IL23R: variants seen among roughly 807,000 people sequenced by gnomAD.
IL23R encodes the protein interleukin-23 receptor.
Under a neutral mutation model 56.9 loss-of-function variants are expected in IL23R, and 34 were observed. The observed-to-expected ratio is 0.60, with a 90% CI of 0.45 to 0.80. The LOEUF is 0.80. Ranked by LOEUF, IL23R falls within the 30% of genes least tolerant of loss-of-function variation. The pLI, the probability that IL23R is intolerant of heterozygous loss-of-function variation, is 0.00. For synonymous variants in IL23R, 230 were observed against 249.2 expected, an observed-to-expected ratio of 0.92 and a Z score of 0.73; for missense variants, 635 against 730.0, an observed-to-expected ratio of 0.87 and a Z score of 1.50.
At chr1:67,182,255 A>G (rs1647157043) in intron 3 of IL23R, among the ~76,000 whole-genome samples, 1 of 152,204 alleles carries the variant, frequency 6.6e-6, no homozygotes, top group Non-Finnish European at 1.5e-5. Context: ...GCAGGCAGTC[A>G]GGCCTCCTTG....
At chr1:67,143,353 G>A (rs182747830) in intron 1 of IL23R, among the ~76,000 whole-genome samples, 1 of 152,252 alleles carries the variant, frequency 6.6e-6, no homozygotes, top group Non-Finnish European at 1.5e-5. Flanking sequence ...TCTCTCAAAA[G>A]CAGACCAAGC....
At chr1:67,252,591 C>A (rs1201699592) in intron 9 of IL23R, among the ~76,000 whole-genome samples, 1 of 152,098 alleles carries the variant, frequency 6.6e-6, no homozygotes, top group African/African-American at 2.4e-5. Context: ...ACAAGTAGGT[C>A]CAACAGGTTC....
Position 67,259,312 on chromosome 1 carries a change from A to G in IL23R, c.*184A>G. 1.6e-6 allele frequency: 1 copy of G among 628,086 alleles called. No homozygotes were observed. Among genetic ancestry groups the G allele is most frequent in the South Asian group, 1.9e-5 (1 of 53,094 alleles). 38.9% of individuals were successfully genotyped at this position (628,086 alleles called of 1,614,324 possible). A position where few individuals can be genotyped will look rare whatever the true frequency, so the allele number is the denominator to read the frequency against. ...AGGTAGGGGATTGCTGGGCCATATGATAAGCATATGTTTCAGTTCTACCAA... is the reference window on the plus strand; with the variant it reads ...AGGTAGGGGATTGCTGGGCCATATGGTAAGCATATGTTTCAGTTCTACCAA... On this transcript the variant is annotated 3_prime_UTR_variant, in exon 11 of 11. Coordinates refer to ENST00000347310, the MANE Select transcript of IL23R (RefSeq NM_144701.3).
At chr1:67,228,135 T>TTTC (rs1650841727) in intron 7 of IL23R, among the ~76,000 whole-genome samples, 6 of 139,252 alleles carry the variant, frequency 4.3e-5, no homozygotes, top group Non-Finnish European at 6.2e-5. Context: ...TTTCCTTCTT[T>TTTC]CTTTCTGTCT....
chr1:67,227,969 T>C (rs865943185), intron 7 of IL23R, among the ~76,000 whole-genome samples: 8 of 71,864 alleles, frequency 1.1e-4, no homozygotes, highest in East Asian at 8.2e-4. Context: ...TTTCTTTCTT[T>C]CTTTCTTTCT....
At chr1:67,185,332 G>C (rs1047006768) in intron 4 of IL23R, among the ~76,000 whole-genome samples, 1 of 152,154 alleles carries the variant, frequency 6.6e-6, no homozygotes. Flanking sequence ...GGACCAGATC[G>C]CAGGGCATAT....
At chr1:67,212,543 C>CTTTTT (rs71663275) in intron 6 of IL23R, among the ~76,000 whole-genome samples, 2 of 145,058 alleles carry the variant, frequency 1.4e-5, no homozygotes, top group African/African-American at 5.1e-5. Context: ...GTCATGCAAT[C>CTTTTT]TTTTTTTTTT....
chr1:67,178,571 C>A (rs1475772143), intron 3 of IL23R, among the ~76,000 whole-genome samples: 1 of 152,164 alleles, frequency 6.6e-6, no homozygotes, highest in Non-Finnish European at 1.5e-5. Flanking sequence ...CAAACAGGGA[C>A]AATTTGACTT....
intron 7 of IL23R, among the ~76,000 whole-genome samples, chr1:67,233,794 G>A (rs1651269129): frequency 6.6e-6 from 1 of 151,338 alleles, no homozygotes; most frequent in African/African-American, 2.4e-5. Context: ...TGCAAGGATG[G>A]AACTGTCTCA....
rs114315517 is a variant in IL23R at position 67,216,874 on chromosome 1, T to G, written c.799-2700T>G. 4.7e-3 allele frequency among the ~76,000 whole-genome samples: 715 copies of G among 152,260 alleles called. 6 individuals carry two copies. The highest frequency in any genetic ancestry group is 0.016 in the African/African-American group (681 of 41,546). ...CAGAAAATGTGGAAAAATGTATGAT[T>G]AGTCACAAATAAGTTTCCCCATCAC... On this transcript the variant is annotated intron_variant, in intron 6 of 10. Transcript: ENST00000347310.
At chr1:67,187,087 G>T (rs1375784913) in intron 4 of IL23R, among the ~76,000 whole-genome samples, 1 of 151,754 alleles carries the variant, frequency 6.6e-6, no homozygotes, top group East Asian at 1.9e-4. Flanking sequence ...TTTCTCTTGG[G>T]CATATATTTA....
chr1:67,187,219 A>G (rs1647403556), intron 4 of IL23R, among the ~76,000 whole-genome samples: 1 of 152,192 alleles, frequency 6.6e-6, no homozygotes, highest in Non-Finnish European at 1.5e-5. Context: ...GGGTTCCAGT[A>G]TCTCCACATT....
chr1:67,202,889 G>C (rs1648740724), intron 5 of IL23R, among the ~76,000 whole-genome samples: 1 of 152,122 alleles, frequency 6.6e-6, no homozygotes, highest in African/African-American at 2.4e-5. Flanking sequence ...TATTAGATTT[G>C]AAAACACACT....
intron 1 of IL23R, among the ~76,000 whole-genome samples, chr1:67,157,867 T>C (rs1460019682): frequency 1.3e-5 from 2 of 152,228 alleles, no homozygotes; most frequent in Non-Finnish European, 2.9e-5. Flanking sequence ...CTGTTTTGTT[T>C]ACCCCTTTAT....
chr1:67,265,141 G>GTTAC, the IL23R span, among the ~76,000 whole-genome samples: 1 of 152,192 alleles, frequency 6.6e-6, no homozygotes, highest in African/African-American at 2.4e-5. Context: ...GTCAATAAAC[G>GTTAC]TTACTGTTTT....
intron 8 of IL23R, among the ~76,000 whole-genome samples, chr1:67,238,365 GAAGAAA>G (rs1230973339): frequency 6.7e-6 from 1 of 149,288 alleles, no homozygotes; most frequent in African/African-American, 2.5e-5. Context: ...AGAGGAAAAA[GAAGAAA>G]AAGAAAAAGA....
chr1:67,152,738 G>A (rs1196382859), intron 1 of IL23R, among the ~76,000 whole-genome samples: 3 of 115,576 alleles, frequency 2.6e-5, no homozygotes, highest in African/African-American at 8.4e-5. Context: ...CTGTTTATGT[G>A]ATGCGTTACA....
At chr1:67,162,295 T>C (rs1646829230), upstream of IL23R, among the ~76,000 whole-genome samples, 1 of 151,898 alleles carries the variant, frequency 6.6e-6, no homozygotes, top group African/African-American at 2.4e-5. Flanking sequence ...GAAACCCATC[T>C]CTACTAAAAA....
At chr1:67,168,464 T>C (rs890846549) in intron 2 of IL23R, among the ~76,000 whole-genome samples, 1 of 152,238 alleles carries the variant, frequency 6.6e-6, no homozygotes, top group Non-Finnish European at 1.5e-5. Flanking sequence ...GTTGGCATGT[T>C]CTATTGTCAA....
Sources: gnomAD v4.1 joint callset for allele counts (sites outside exome capture counted in the v4.1 genomes callset) on GRCh38, gnomAD v4.1.1 for gene constraint, MANE v1.5 for transcripts, NCBI Gene and HGNC (gene_info 2026-07-23, HGNC 2026-07-21) for gene names.